Variants in LEKR1 observed in about 807,000 individuals in gnomAD.
The protein encoded by LEKR1 is protein LEKR1.
In LEKR1, 59 loss-of-function variants were observed where a neutral mutation model predicts 72.4. That is an observed-to-expected ratio of 0.82 (90% CI 0.66 to 1.01). The LOEUF (loss-of-function observed/expected upper bound fraction) is 1.01. LEKR1 is among the 50% of genes least tolerant of loss of function. The probability of loss-of-function intolerance (pLI) is 0.00; values close to 1 mark genes in which losing one functional copy is unlikely to be tolerated. For synonymous variants in LEKR1, 257 were observed against 263.2 expected (o/e 0.98, Z 0.23); for missense variants, 728 against 759.2 (o/e 0.96, Z 0.48).
At chr3:156,950,847 T>C (rs1342524541) in intron 6 of LEKR1, among the ~76,000 whole-genome samples, 1 of 151,716 alleles carries the variant, frequency 6.6e-6, no homozygotes, top group Admixed American at 6.6e-5. Context: ...CCTATTTGAA[T>C]GCCTTTTATT....
intron 5 of LEKR1, among the ~76,000 whole-genome samples, chr3:156,932,827 G>A (rs747664627): frequency 6.6e-6 from 1 of 151,612 alleles, no homozygotes; most frequent in African/African-American, 2.4e-5. Flanking sequence ...TCAGGAGATC[G>A]AGACCATCCT....
intron 3 of LEKR1, among the ~76,000 whole-genome samples, chr3:156,895,342 A>G (rs1721066220): frequency 1.3e-5 from 2 of 152,182 alleles, no homozygotes; most frequent in African/African-American, 4.8e-5. Flanking sequence ...AGGCTGGTGC[A>G]GTGGCTCACA....
intron 3 of LEKR1, among the ~76,000 whole-genome samples, chr3:156,882,291 A>C (rs1338758839): frequency 2.3e-4 from 35 of 151,304 alleles, no homozygotes; most frequent in Admixed American, 1.8e-3. Flanking sequence ...CAATGAACTC[A>C]AACAAATTTA....
intron 6 of LEKR1, among the ~76,000 whole-genome samples, chr3:156,968,655 T>A (rs1027749078): frequency 2.0e-5 from 3 of 151,910 alleles, no homozygotes; most frequent in African/African-American, 7.3e-5. Flanking sequence ...AGACTTAGAC[T>A]CCCCCACAAT....
intron 6 of LEKR1, among the ~76,000 whole-genome samples, chr3:156,967,863 G>A (rs993488424): frequency 1.3e-5 from 2 of 152,088 alleles, no homozygotes; most frequent in African/African-American, 4.8e-5. Context: ...AAATGTTAAG[G>A]GCAGCCAGAG....
intron 10 of LEKR1, among the ~76,000 whole-genome samples, chr3:157,021,480 T>G (rs1482125821): frequency 2.0e-5 from 3 of 152,228 alleles, no homozygotes; most frequent in African/African-American, 7.2e-5. Context: ...AGGGATCCAG[T>G]TTCAGCTCTG....
intron 2 of LEKR1, among the ~76,000 whole-genome samples, chr3:156,845,964 G>A (rs59077786): frequency 0.026 from 3,886 of 152,008 alleles, 183 homozygotes; most frequent in African/African-American, 0.089. Flanking sequence ...ATCTCTCTCC[G>A]TTTATTTAGA....
intron 3 of LEKR1, among the ~76,000 whole-genome samples, chr3:156,869,077 A>G (rs1324452191): frequency 6.6e-6 from 1 of 151,978 alleles, no homozygotes; most frequent in Non-Finnish European, 1.5e-5. Context: ...TATATCACAC[A>G]TTTTCTTTAT....
chr3:156,932,643 G>A (rs1725330361), intron 5 of LEKR1, among the ~76,000 whole-genome samples: 1 of 150,500 alleles, frequency 6.6e-6, no homozygotes, highest in Admixed American at 6.6e-5. Context: ...AACCTGGGAG[G>A]TGGAGGTTGC....
intron 6 of LEKR1, among the ~76,000 whole-genome samples, chr3:156,958,703 C>T (rs1169880886): frequency 6.6e-6 from 1 of 152,162 alleles, no homozygotes; most frequent in Non-Finnish European, 1.5e-5. Context: ...CACACGCCAG[C>T]CAACGGGCCT....
chr3:156,869,462 A>G (rs898708857), intron 3 of LEKR1, among the ~76,000 whole-genome samples: 1 of 151,856 alleles, frequency 6.6e-6, no homozygotes, highest in East Asian at 1.9e-4. Flanking sequence ...AGTGATGAAC[A>G]TTTTTTCTTA....
At chr3:156,838,928 G>A (rs1377445376) in intron 2 of LEKR1, among the ~76,000 whole-genome samples, 2 of 152,112 alleles carry the variant, frequency 1.3e-5, no homozygotes, top group Non-Finnish European at 2.9e-5. Flanking sequence ...GAGTTTAATG[G>A]AAACGAGGAT....
chr3:156,838,587 T>A (rs1295667661), intron 2 of LEKR1, among the ~76,000 whole-genome samples: 1 of 152,212 alleles, frequency 6.6e-6, no homozygotes, highest in Non-Finnish European at 1.5e-5. Context: ...AAGAAGGTTC[T>A]GACCGTGCTT....
chr3:156,898,883 T>C (rs1214870639), intron 3 of LEKR1, among the ~76,000 whole-genome samples: 3 of 152,076 alleles, frequency 2.0e-5, no homozygotes, highest in African/African-American at 4.8e-5. Context: ...AAAAGGAAAT[T>C]GAGAAGCTTG....
chr3:156,932,583 C>T (rs183346805), intron 5 of LEKR1, among the ~76,000 whole-genome samples: 7 of 151,080 alleles, frequency 4.6e-5, no homozygotes, highest in East Asian at 2.0e-4. Flanking sequence ...TGTGGTGGTG[C>T]GCACCTGTAA....
intron 11 of LEKR1, among the ~76,000 whole-genome samples, chr3:157,027,873 T>C (rs1487577163): frequency 6.6e-6 from 1 of 152,128 alleles, no homozygotes; most frequent in Non-Finnish European, 1.5e-5. Flanking sequence ...CACAGAAATT[T>C]ATATATTTCC....
chr3:156,862,377 T>G (rs1482550166), intron 3 of LEKR1, among the ~76,000 whole-genome samples: 1 of 152,056 alleles, frequency 6.6e-6, no homozygotes, highest in Non-Finnish European at 1.5e-5. Context: ...ATAGTGGGAA[T>G]TATAAGAATG....
At chr3:156,872,549 A>G (rs1000769969) in intron 3 of LEKR1, among the ~76,000 whole-genome samples, 2 of 151,892 alleles carry the variant, frequency 1.3e-5, no homozygotes, top group African/African-American at 2.4e-5. Flanking sequence ...TCGATTTGAA[A>G]TCTGTCTATT....
intron 12 of LEKR1, among the ~76,000 whole-genome samples, chr3:157,039,825 C>T (rs1735224677): frequency 6.6e-6 from 1 of 152,112 alleles, no homozygotes; most frequent in South Asian, 2.1e-4. Flanking sequence ...CTGGTAATTC[C>T]TTCTATGAGA....
Sources: gnomAD v4.1 joint callset for allele counts (sites outside exome capture counted in the v4.1 genomes callset) on GRCh38, gnomAD v4.1.1 for gene constraint, MANE v1.5 for transcripts, NCBI Gene and HGNC (gene_info 2026-07-23, HGNC 2026-07-21) for gene names.